Variants in ASTN1 observed in about 807,000 individuals in gnomAD.
The protein encoded by ASTN1 is astrotactin 1.
ASTN1 carries 41 observed loss-of-function variants against 140.7 expected under a neutral mutation model. The observed-to-expected ratio is 0.29, with a 90% CI of 0.23 to 0.38. The LOEUF (loss-of-function observed/expected upper bound fraction) is 0.38. Among genes scored for constraint, ASTN1 ranks in the 10% least tolerant of loss-of-function variants. The pLI is 1.00. For synonymous variants in ASTN1, 640 were observed against 652.2 expected, an observed-to-expected ratio of 0.98 and a Z score of 0.29; for missense variants, 1,479 against 1,678.8, an observed-to-expected ratio of 0.88 and a Z score of 2.08.
chr1:176,919,832 A>G (rs1174646674), intron 16 of ASTN1, among the ~76,000 whole-genome samples: 1 of 152,244 alleles, frequency 6.6e-6, no homozygotes, highest in East Asian at 1.9e-4. Context: ...CCTCTGCGGA[A>G]TAAACCTGAC....
rs559090841 is a variant in ASTN1 at position 176,949,390 on chromosome 1, C to T, written c.1888-39G>A. The T allele has an allele frequency of 1.4e-4, 229 of 1,587,766 alleles. 3 individuals carry two copies. The South Asian group carries it at 2.5e-3, about 17-fold the overall frequency. On this transcript the variant is annotated intron_variant, in intron 11 of 22. Coordinates refer to ENST00000361833, the MANE Select transcript of ASTN1 (RefSeq NM_004319.3). ...AAAACATCCACATACGTGGGTGAAT[C>T]GGGGAACTGAGTTCTCTGGGAACTG...
chr1:177,158,308 G>T (rs1339796844), intron 1 of ASTN1, among the ~76,000 whole-genome samples: 3 of 152,246 alleles, frequency 2.0e-5, no homozygotes, highest in South Asian at 4.2e-4. Flanking sequence ...CATATTTTTA[G>T]TAGGAATAAA....
At chr1:177,153,525 C>A (rs533608309) in intron 1 of ASTN1, among the ~76,000 whole-genome samples, 1 of 152,018 alleles carries the variant, frequency 6.6e-6, no homozygotes, top group African/African-American at 2.4e-5. Context: ...AAACTACATA[C>A]CACAATAAAT....
At chr1:177,035,037 A>G (rs1170746189) in intron 2 of ASTN1, among the ~76,000 whole-genome samples, 6 of 152,204 alleles carry the variant, frequency 3.9e-5, no homozygotes, top group Admixed American at 3.9e-4. Context: ...CATTCCCTAT[A>G]TTATGCAGTA....
chr1:176,914,638 T>C (rs1319729431), intron 16 of ASTN1, among the ~76,000 whole-genome samples: 1 of 152,180 alleles, frequency 6.6e-6, no homozygotes, highest in Non-Finnish European at 1.5e-5. Context: ...TACACAGGAA[T>C]GGCACTAAAC....
chr1:177,030,153 C>CA (rs1676352351), intron 4 of ASTN1, among the ~76,000 whole-genome samples: 1 of 152,044 alleles, frequency 6.6e-6, no homozygotes, highest in South Asian at 2.1e-4. Context: ...ATATTTAATA[C>CA]AAAAAAGACA....
chr1:177,106,500 C>A (rs757596286), intron 1 of ASTN1, among the ~76,000 whole-genome samples: 1 of 152,162 alleles, frequency 6.6e-6, no homozygotes, highest in Non-Finnish European at 1.5e-5. Context: ...CCCACCTCTG[C>A]TATACTATTT....
intron 11 of ASTN1, among the ~76,000 whole-genome samples, chr1:176,954,521 T>C (rs527557251): frequency 6.6e-6 from 1 of 152,244 alleles, no homozygotes; most frequent in South Asian, 2.1e-4. Context: ...ATCTATAGAG[T>C]TGTAAGTCAA....
At chr1:176,958,278 C>T (rs866570344) in intron 10 of ASTN1, 67 bp downstream of exon 10, 9 of 1,606,694 alleles carry the variant, frequency 5.6e-6, no homozygotes, top group Non-Finnish European at 7.6e-6. Flanking sequence ...GCACCTAAAA[C>T]CTACAGGTAG....
At chr1:177,034,576 A>G (rs1676618609) in intron 2 of ASTN1, among the ~76,000 whole-genome samples, 1 of 152,114 alleles carries the variant, frequency 6.6e-6, no homozygotes, top group African/African-American at 2.4e-5. Flanking sequence ...CCCTGCAGAC[A>G]CACACACAGA....
chr1:177,035,250 C>A (rs1676655421), intron 2 of ASTN1, among the ~76,000 whole-genome samples: 1 of 152,200 alleles, frequency 6.6e-6, no homozygotes, highest in South Asian at 2.1e-4. Flanking sequence ...AGCCTATATT[C>A]TTAAGCACTA....
At chr1:177,038,626 C>T (rs1002573336) in intron 2 of ASTN1, among the ~76,000 whole-genome samples, 1 of 152,138 alleles carries the variant, frequency 6.6e-6, no homozygotes, top group Non-Finnish European at 1.5e-5. Flanking sequence ...TTATATAAGT[C>T]AGCTGCTTGG....
intron 14 of ASTN1, among the ~76,000 whole-genome samples, chr1:176,938,122 T>G (rs948481230): frequency 6.6e-5 from 10 of 152,328 alleles, no homozygotes; most frequent in Non-Finnish European, 1.2e-4. Context: ...TTCTTTCAAA[T>G]ATTCTTTCAG....
intron 15 of ASTN1, 184 bp downstream of exon 15, chr1:176,936,082 T>C (rs923551352): frequency 4.4e-6 from 3 of 680,802 alleles, no homozygotes; most frequent in Non-Finnish European, 5.3e-6. Flanking sequence ...TAATCTCTAC[T>C]TAGAAAAGAA....
At chr1:176,981,356 A>C (rs1490750594) in intron 8 of ASTN1, 1 of 152,084 alleles carries the variant, frequency 6.6e-6, no homozygotes, top group African/African-American at 2.4e-5. Context: ...CATGAGTTGA[A>C]TTTTGTCCCC....
chr1:176,868,892 T>C lies in ASTN1; in HGVS notation c.3599A>G (p.Glu1200Gly). The change falls in exon 22 of 23, where the codon GAG (glutamate) becomes GGG (glycine). Residue 1200 changes from glutamate to glycine, a missense_variant. Glu to Gly is a moderately conservative substitution (Grantham distance 98). Transcript: ENST00000361833. The part of the protein sequence containing the change: ...RVLYHYNQHY[E>G]SFGEFTWRCE... ...TCGCCAGGTGAATTCCCCAAAACTC[T>C]CATAGTGCTGGTTATAGTGGTAGAG... 1 of 1,609,964 alleles carries C rather than the reference T, an allele frequency of 6.2e-7. No homozygotes were observed. Among genetic ancestry groups the C allele is most frequent in the South Asian group, 1.1e-5 (1 of 90,380 alleles).
chr1:177,156,049 A>C (rs912826855), intron 1 of ASTN1, among the ~76,000 whole-genome samples: 1 of 152,002 alleles, frequency 6.6e-6, no homozygotes, highest in Non-Finnish European at 1.5e-5. Flanking sequence ...AGGCGGGCAG[A>C]TCACAAAGTC....
chr1:176,963,135 AG>A, intron 9 of ASTN1, among the ~76,000 whole-genome samples: 1 of 152,330 alleles, frequency 6.6e-6, no homozygotes, highest in East Asian at 1.9e-4. Context: ...AAGGTTCTCT[AG>A]AAGAAGAGTG....
intron 16 of ASTN1, among the ~76,000 whole-genome samples, chr1:176,929,645 G>A (rs780543755): frequency 1.3e-5 from 2 of 152,194 alleles, no homozygotes; most frequent in Admixed American, 1.3e-4. Context: ...TCAGCTGTTC[G>A]TGCTGAGAAG....
Sources: gnomAD v4.1 joint callset for allele counts (sites outside exome capture counted in the v4.1 genomes callset) on GRCh38, gnomAD v4.1.1 for gene constraint, MANE v1.5 for transcripts, NCBI Gene and HGNC (gene_info 2026-07-23, HGNC 2026-07-21) for gene names.